The following CLNK variants were observed in gnomAD, a reference collection of about 807,000 sequenced individuals.
The protein encoded by CLNK is cytokine-dependent hematopoietic cell linker.
Under a neutral mutation model 68.6 loss-of-function variants are expected in CLNK, and 74 were observed. The ratio of observed to expected loss-of-function variants is 1.08; its 90% confidence interval spans 0.89 to 1.31. CLNK has a LOEUF of 1.31. Among genes scored for constraint, CLNK ranks in the 50% most tolerant of loss-of-function variants. The probability of loss-of-function intolerance (pLI) is 0.00; values close to 1 mark genes in which losing one functional copy is unlikely to be tolerated. For missense variants in CLNK, 553 were observed against 515.3 expected, an observed-to-expected ratio of 1.07 and a Z score of -0.71; for synonymous variants, 198 against 172.2, an observed-to-expected ratio of 1.15 and a Z score of -1.17.
chr4:10,587,078 C>A (rs1720997316), intron 3 of CLNK, among the ~76,000 whole-genome samples: 1 of 152,122 alleles, frequency 6.6e-6, no homozygotes, highest in African/African-American at 2.4e-5. Flanking sequence ...CATTCTCCGG[C>A]CTCAGCCTCA....
Position 10,511,171 on chromosome 4 carries a change from A to T in CLNK, c.906+2293T>A, listed in dbSNP as rs199696478. Among the ~76,000 whole-genome samples, 758 of 149,396 alleles carry T rather than the reference A, an allele frequency of 5.1e-3. 1 individual carries two copies. Among genetic ancestry groups the T allele is most frequent in the East Asian group, 0.016 (81 of 5,128 alleles). The stretch of plus-strand genomic sequence containing the variant: ...GGAAACTCTGTCTCAAAAAAAATTA[A>T]AAAAAAAAAAAGCATATTTGATTGA... On this transcript the variant is annotated intron_variant, in intron 16 of 18. Transcript: ENST00000226951.
At chr4:10,700,658 T>A in the CLNK span, among the ~76,000 whole-genome samples, 1 of 152,182 alleles carries the variant, frequency 6.6e-6, no homozygotes, top group African/African-American at 2.4e-5. Flanking sequence ...CTCAGGACTC[T>A]AAGCCACGTG....
At chr4:10,608,369 C>A (rs770703299) in intron 2 of CLNK, among the ~76,000 whole-genome samples, 13 of 152,338 alleles carry the variant, frequency 8.5e-5, no homozygotes, top group Non-Finnish European at 1.6e-4. Flanking sequence ...CTTCTCCCAT[C>A]TCTACATCTT....
the CLNK span, among the ~76,000 whole-genome samples, chr4:10,719,961 CAA>C: frequency 2.0e-5 from 3 of 151,484 alleles, no homozygotes; most frequent in African/African-American, 7.3e-5. Context: ...ACCCATGGGT[CAA>C]AGAGGATGTC....
intron 2 of CLNK, among the ~76,000 whole-genome samples, chr4:10,619,025 C>A (rs1444545805): frequency 6.6e-6 from 1 of 152,224 alleles, no homozygotes; most frequent in Admixed American, 6.5e-5. Context: ...TGTCAGCATT[C>A]TTTTAGCCTT....
intron 11 of CLNK, among the ~76,000 whole-genome samples, chr4:10,534,169 G>A (rs1718654889): frequency 6.6e-6 from 1 of 152,110 alleles, no homozygotes. Flanking sequence ...TTTATAGATG[G>A]AAATCTGAGG....
At chr4:10,725,914 A>C in the CLNK span, among the ~76,000 whole-genome samples, 1 of 152,184 alleles carries the variant, frequency 6.6e-6, no homozygotes, top group Non-Finnish European at 1.5e-5. Flanking sequence ...GCGGTATTGC[A>C]GATCTGTTAG....
intron 12 of CLNK, 27 bp from the exon 13 acceptor site, chr4:10,528,121 T>G (rs1718395164): frequency 8.3e-7 from 1 of 1,203,866 alleles, no homozygotes; most frequent in African/African-American, 1.6e-5. Context: ...AAAATAAAAT[T>G]TACTGACTCT....
chr4:10,664,356 T>C (rs373243351), intron 2 of CLNK, among the ~76,000 whole-genome samples: 4 of 152,176 alleles, frequency 2.6e-5, no homozygotes, highest in African/African-American at 9.7e-5. Context: ...ATCTACTACC[T>C]TGAATTGACT....
chr4:10,657,259 A>T (rs954554445), intron 2 of CLNK, among the ~76,000 whole-genome samples: 22 of 152,338 alleles, frequency 1.4e-4, no homozygotes, highest in African/African-American at 4.8e-4. Flanking sequence ...TAATGATATA[A>T]ACTAAAGATA....
chr4:10,665,177 C>G (rs1016896816), intron 2 of CLNK, among the ~76,000 whole-genome samples: 1 of 152,202 alleles, frequency 6.6e-6, no homozygotes, highest in Non-Finnish European at 1.5e-5. Flanking sequence ...TGTCCTCTGG[C>G]CTACGCATTG....
the CLNK span, among the ~76,000 whole-genome samples, chr4:10,726,073 C>T: frequency 0.38 from 57,768 of 151,894 alleles, 11,660 homozygotes; most frequent in East Asian, 0.58. Flanking sequence ...GAATCTGTTC[C>T]AGGCCTCTAC....
intron 3 of CLNK, among the ~76,000 whole-genome samples, chr4:10,595,796 G>A (rs1721361790): frequency 6.6e-6 from 1 of 152,146 alleles, no homozygotes; most frequent in Non-Finnish European, 1.5e-5. Context: ...CTTCTTTCCT[G>A]TAGAAAGGAG....
upstream of CLNK, among the ~76,000 whole-genome samples, chr4:10,686,233 G>A (rs1434669012): frequency 6.6e-6 from 1 of 152,104 alleles, no homozygotes; most frequent in Non-Finnish European, 1.5e-5. Context: ...CTTATCAGGA[G>A]AGGAGTCACA....
At chr4:10,710,542 G>A in the CLNK span, among the ~76,000 whole-genome samples, 1 of 152,152 alleles carries the variant, frequency 6.6e-6, no homozygotes, top group Non-Finnish European at 1.5e-5. Flanking sequence ...TAGTTTAAAA[G>A]CATGAACTCA....
At chr4:10,688,195 C>T (rs557468952), upstream of CLNK, among the ~76,000 whole-genome samples, 2 of 152,200 alleles carry the variant, frequency 1.3e-5, no homozygotes, top group African/African-American at 4.8e-5. Flanking sequence ...TATGGGACCA[C>T]CAGAAATATT....
upstream of CLNK, among the ~76,000 whole-genome samples, chr4:10,688,490 A>G (rs752271806): frequency 3.3e-5 from 5 of 152,178 alleles, no homozygotes; most frequent in African/African-American, 4.8e-5. Context: ...TGGTTCTTGC[A>G]TGGCCTGCTG....
At chr4:10,699,343 T>TACACACACAC in the CLNK span, among the ~76,000 whole-genome samples, 1 of 29,908 alleles carries the variant, frequency 3.3e-5, no homozygotes, top group African/African-American at 1.0e-4. Flanking sequence ...CGTGTGTGTA[T>TACACACACAC]ACACACACAC....
At chr4:10,639,043 C>T (rs1014753261) in intron 2 of CLNK, among the ~76,000 whole-genome samples, 3 of 152,222 alleles carry the variant, frequency 2.0e-5, no homozygotes, top group African/African-American at 7.2e-5. Context: ...TTATGGGACA[C>T]AGTTTGGCTC....
Sources: allele counts gnomAD v4.1 joint callset (sites outside exome capture counted in the v4.1 genomes callset), GRCh38; gene constraint gnomAD v4.1.1; transcripts MANE v1.5; gene names NCBI Gene and HGNC (gene_info 2026-07-23, HGNC 2026-07-21).